DNAH11: variants seen among roughly 807,000 people sequenced by gnomAD.
The protein encoded by DNAH11 is axonemal beta dynein heavy chain 11.
In DNAH11, 442 loss-of-function variants were observed where a neutral mutation model predicts 526.0. The ratio of observed to expected loss-of-function variants is 0.84; its 90% CI spans 0.78 to 0.91. The LOEUF (loss-of-function observed/expected upper bound fraction) is 0.91, where lower values mean the gene tolerates loss of function less well. Among genes scored for constraint, DNAH11 ranks in the 40% least tolerant of loss-of-function variants. The pLI is 0.00. For synonymous variants in DNAH11, 2,461 were observed against 1,935.9 expected (o/e 1.27, Z -7.12); for missense variants, 6,989 against 5,448.7 (o/e 1.28, Z -8.90).
Position 21,778,999 on chromosome 7 carries a change from G to C in DNAH11, c.9378G>C (p.Glu3126Asp), listed in dbSNP as rs144201769. 44 of 1,613,436 alleles carry C rather than the reference G, an allele frequency of 2.7e-5. No homozygotes were observed. In the East Asian group the frequency reaches 9.8e-4, roughly 36 times the overall value. The part of the protein sequence containing the change: ...LKARLASQEA[E>D]LQLRNHDAEA... ...CCAGACTTGCCTCTCAAGAAGCCGA[G>C]CTGCAACTGAGAAATCATGATGCCG... The change falls in exon 57 of 82, where the codon GAG becomes GAC. Residue 3126 changes from glutamate to aspartate, a missense_variant. Physicochemically the swap from Glu to Asp is conservative, Grantham distance 45. Coordinates refer to ENST00000409508, the MANE Select transcript of DNAH11 (RefSeq NM_001277115.2).
In DNAH11 at chr7:21,744,432, T is replaced by G; in HGVS notation, c.8155-6T>G. On this transcript the variant is annotated splice_region_variant and splice_polypyrimidine_tract_variant and intron_variant, in intron 49 of 81. Transcript: ENST00000409508. ...TAAAGGTATTTTCCCCATTCTTGCC[T>G]TGTAGGGGATTTTATTTGCTTCTCC... 6.2e-7 allele frequency: 1 copy of G among 1,613,096 alleles called. No individual in the cohort carries two copies. Among genetic ancestry groups the G allele is most frequent in the Non-Finnish European group, 8.5e-7 (1 of 1,179,570 alleles).
chr7:21,872,640 G>T (rs1783547204), intron 73 of DNAH11, among the ~76,000 whole-genome samples: 1 of 152,186 alleles, frequency 6.6e-6, no homozygotes, highest in Non-Finnish European at 1.5e-5. Flanking sequence ...AAATGGAAAA[G>T]AAAAGAATGA....
chr7:21,588,581 C>G lies in DNAH11; in HGVS notation c.1918C>G (p.Gln640Glu). 6.2e-7 allele frequency: 1 copy of G among 1,613,596 alleles called. No homozygotes were observed. The highest frequency in any genetic ancestry group is 1.1e-5 in the South Asian group (1 of 91,072). Residue 640 changes from glutamine (Q) to glutamate (E), a missense_variant, in exon 11 of 82, where the codon CAG (glutamine) becomes GAG (glutamate). Gln to Glu is a conservative substitution (Grantham distance 29, BLOSUM62 2). Coordinates refer to ENST00000409508, the MANE Select transcript of DNAH11 (RefSeq NM_001277115.2). ...FTSGNMKWAQ[Q>E]VLQRLQMFWS... is the part of the protein sequence containing the mutation. ...CTCAGGAAATATGAAATGGGCCCAGCAGGTTCTCCAACGACTTCAAATGTT... is the reference window on the plus strand; with the variant it reads ...CTCAGGAAATATGAAATGGGCCCAGGAGGTTCTCCAACGACTTCAAATGTT...
chr7:21,822,136 A>C (rs1397897861), intron 65 of DNAH11, among the ~76,000 whole-genome samples: 1 of 152,154 alleles, frequency 6.6e-6, no homozygotes, highest in African/African-American at 2.4e-5. Flanking sequence ...ATAAAGGAAT[A>C]CCTGAGACTG....
intron 18 of DNAH11, among the ~76,000 whole-genome samples, chr7:21,606,169 A>G (rs1785271926): frequency 6.6e-6 from 1 of 152,066 alleles, no homozygotes; most frequent in East Asian, 1.9e-4. Flanking sequence ...CAACAAATAC[A>G]AAAATTATCT....
intron 10 of DNAH11, 41 bp downstream of exon 10, chr7:21,588,242 T>G (rs1188755535): frequency 1.3e-6 from 2 of 1,584,310 alleles, no homozygotes; most frequent in Non-Finnish European, 1.7e-6. Context: ...CAATATCATT[T>G]AGGCGGATAA....
chr7:21,623,739 C>T (rs1304972944), intron 25 of DNAH11, among the ~76,000 whole-genome samples: 1 of 151,376 alleles, frequency 6.6e-6, no homozygotes, highest in African/African-American at 2.4e-5. Context: ...ACTGCATGTT[C>T]TCACACATAG....
chr7:21,823,862 G>A (rs779276410), intron 65 of DNAH11, among the ~76,000 whole-genome samples: 11 of 152,140 alleles, frequency 7.2e-5, no homozygotes, highest in Non-Finnish European at 1.5e-4. Context: ...CAGGAACTCC[G>A]AGAGACAAGG....
chr7:21,788,830 T>C (rs1788308290), intron 60 of DNAH11, among the ~76,000 whole-genome samples: 1 of 152,254 alleles, frequency 6.6e-6, no homozygotes, highest in Admixed American at 6.5e-5. Flanking sequence ...TCTTCACATT[T>C]TATGACAAAT....
chr7:21,800,107 G>A (rs1472115814), intron 61 of DNAH11, among the ~76,000 whole-genome samples: 1 of 152,326 alleles, frequency 6.6e-6, no homozygotes, highest in East Asian at 1.9e-4. Context: ...ACAAGAAGCT[G>A]CCATGAACTT....
chr7:21,810,249 C>T (rs980287009), intron 63 of DNAH11, among the ~76,000 whole-genome samples: 2 of 152,158 alleles, frequency 1.3e-5, no homozygotes, highest in African/African-American at 4.8e-5. Flanking sequence ...AATGAGAAAA[C>T]TGAGACAGAC....
chr7:21,629,205 G>T (rs1786486691), intron 25 of DNAH11, among the ~76,000 whole-genome samples: 1 of 152,062 alleles, frequency 6.6e-6, no homozygotes, highest in Non-Finnish European at 1.5e-5. Flanking sequence ...GCATGTGTTT[G>T]TGACATTTCT....
At chr7:21,607,825 C>G (rs750665408) in intron 20 of DNAH11, among the ~76,000 whole-genome samples, 1 of 150,536 alleles carries the variant, frequency 6.6e-6, no homozygotes, top group East Asian at 2.0e-4. Context: ...GTAGTCCCAA[C>G]TACTCAGGAG....
chr7:21,628,548 CAT>C (rs1786456624), intron 25 of DNAH11, among the ~76,000 whole-genome samples: 1 of 152,034 alleles, frequency 6.6e-6, no homozygotes, highest in Admixed American at 6.6e-5. Context: ...TTAAAATAAT[CAT>C]ATGGTTTTTC....
chr7:21,773,159 G>A (rs1787513361), intron 55 of DNAH11, among the ~76,000 whole-genome samples: 1 of 152,182 alleles, frequency 6.6e-6, no homozygotes, highest in Non-Finnish European at 1.5e-5. Flanking sequence ...TGGAAAGAAT[G>A]TATAGTGGGG....
intron 55 of DNAH11, among the ~76,000 whole-genome samples, chr7:21,767,557 A>G (rs2127975036): frequency 6.6e-6 from 1 of 152,310 alleles, no homozygotes; most frequent in African/African-American, 2.4e-5. Context: ...CTCCTATAGG[A>G]TGCTGAGTGC....
chr7:21,732,434 G>C (rs888925590), intron 45 of DNAH11, among the ~76,000 whole-genome samples: 1 of 152,094 alleles, frequency 6.6e-6, no homozygotes, highest in Non-Finnish European at 1.5e-5. Flanking sequence ...AAATACCGGG[G>C]TTAGGGCTTC....
At chr7:21,866,810 A>C in intron 71 of DNAH11, 147 bp downstream of exon 71, 1 of 916,198 alleles carries the variant, frequency 1.1e-6, no homozygotes, top group Non-Finnish European at 1.6e-6. Flanking sequence ...AATCACTGCT[A>C]CTGTTAAAAT....
Position 21,773,835 on chromosome 7 carries a change from A to G in DNAH11, c.9172A>G (p.Arg3058Gly). The stretch of plus-strand genomic sequence containing the variant: ...CACCACTGTAAATGAAATGAGTACC[A>G]GATATTACCAGAATGAGAGAAGACA... ...VHTTVNEMST[R>G]YYQNERRHNY... Residue 3058 changes from arginine to glycine, a missense_variant, in exon 56 of 82, where the codon AGA becomes GGA. Transcript: ENST00000409508. 1 of 1,608,952 alleles carries G rather than the reference A, an allele frequency of 6.2e-7. No homozygotes were observed. The highest frequency in any genetic ancestry group is 2.2e-5 in the East Asian group (1 of 44,700).
Sources: allele counts gnomAD v4.1 joint callset (sites outside exome capture counted in the v4.1 genomes callset), GRCh38; gene constraint gnomAD v4.1.1; transcripts MANE v1.5; gene names NCBI Gene and HGNC (gene_info 2026-07-23, HGNC 2026-07-21).